Variants in KLHL4 observed in about 807,000 individuals in gnomAD.
KLHL4 encodes the protein kelch-like protein 4.
Under a neutral mutation model 45.8 loss-of-function variants are expected in KLHL4, and 17 were observed. The observed-to-expected ratio is 0.37, with a 90% CI of 0.25 to 0.56. The LOEUF (loss-of-function observed/expected upper bound fraction) is 0.56, where lower values mean the gene tolerates loss of function less well. KLHL4 is among the 20% of genes least tolerant of loss of function. The pLI is 0.79. For missense variants in KLHL4, 544 were observed against 544.9 expected, an observed-to-expected ratio of 1.00 and a Z score of 0.02; for synonymous variants, 224 against 189.9, an observed-to-expected ratio of 1.18 and a Z score of -1.47.
At chrX:87,636,205 A>C (rs1218642102) in intron 9 of KLHL4, among the ~76,000 whole-genome samples, 1 of 112,121 alleles carries the variant, frequency 8.9e-6, no homozygotes, top group African/African-American at 3.2e-5. Flanking sequence ...AATATGTAAA[A>C]AGAATATGTC....
At chrX:87,632,133 T>C in intron 6 of KLHL4, 77 bp from the exon 7 acceptor site, 2 of 594,264 alleles carry the variant, frequency 3.4e-6, no homozygotes, top group Admixed American at 6.2e-5. Flanking sequence ...TATGGGTACA[T>C]AATTATAATG....
chrX:87,520,224 C>T (rs1029019530), intron 1 of KLHL4, among the ~76,000 whole-genome samples: 4 of 112,398 alleles, frequency 3.6e-5, no homozygotes, highest in African/African-American at 1.3e-4. Flanking sequence ...TGAGAAGGAG[C>T]TTTCTGATGC....
rs1924396010 is a variant in KLHL4 at position 87,667,098 on chromosome X, A to T, written c.*564A>T. On this transcript the variant is annotated 3_prime_UTR_variant, in exon 11 of 11. Coordinates refer to ENST00000373119, the MANE Select transcript of KLHL4 (RefSeq NM_019117.5). Reference sequence around the variant, plus strand: ...TTTACTGTGTTGAAGCTAAAAAAATAATGGCTCTTTGACAAAACTTGTTAT... The same window carrying T: ...TTTACTGTGTTGAAGCTAAAAAAATTATGGCTCTTTGACAAAACTTGTTAT... The T allele has an allele frequency of 2.9e-6, 2 of 686,187 alleles. No individual in the cohort carries two copies. Among genetic ancestry groups the T allele is most frequent in the Non-Finnish European group, 3.5e-6 (2 of 579,431 alleles). 56.5% of individuals were successfully genotyped at this position (686,187 alleles called of 1,213,427 possible).
intron 1 of KLHL4, among the ~76,000 whole-genome samples, chrX:87,530,833 G>A (rs1212910931): frequency 9.3e-6 from 1 of 107,620 alleles, no homozygotes; most frequent in East Asian, 3.0e-4. Flanking sequence ...CTAGATCCCT[G>A]AGGAATCGCC....
intron 9 of KLHL4, among the ~76,000 whole-genome samples, chrX:87,662,736 T>C (rs1388496808): frequency 9.1e-6 from 1 of 109,981 alleles, no homozygotes; most frequent in Non-Finnish European, 1.9e-5. Context: ...CAGACCATCC[T>C]GGCTAACACG....
chrX:87,622,403 C>T lies in KLHL4; in HGVS notation c.1117C>T (p.Leu373=). The change falls in exon 5 of 11, where the codon CTG becomes TTG. Residue 373 remains leucine, a synonymous_variant. Coordinates refer to ENST00000373119, the MANE Select transcript of KLHL4 (RefSeq NM_019117.5). ...ELGMLLSYIR[L]PLLPPQLLAD... ...GGGGATGCTGCTTTCTTACATCAGACTGCCATTACTCCCACCACAGGTATG... is the reference window on the plus strand; with the variant it reads ...GGGGATGCTGCTTTCTTACATCAGATTGCCATTACTCCCACCACAGGTATG... The T allele has an allele frequency of 1.7e-6, 2 of 1,199,143 alleles. No individual in the cohort carries two copies. Among genetic ancestry groups the T allele is most frequent in the Non-Finnish European group, 2.3e-6 (2 of 886,083 alleles).
chrX:87,524,398 A>T (rs34357785), intron 1 of KLHL4, among the ~76,000 whole-genome samples: 26,171 of 111,280 alleles, frequency 0.24, 2,396 homozygotes, highest in Non-Finnish European at 0.29. Flanking sequence ...TCAATTAAAC[A>T]TTTTAAACAT....
At chrX:87,590,891 TTGA>T (rs1921641524) in intron 1 of KLHL4, among the ~76,000 whole-genome samples, 1 of 112,085 alleles carries the variant, frequency 8.9e-6, no homozygotes, top group African/African-American at 3.2e-5. Context: ...CATTCATCTA[TTGA>T]TGAAGACTTT....
Position 87,668,307 on chromosome X carries a change from C to A in KLHL4, c.*1773C>A, listed in dbSNP as rs1924440622. ...AAGGACCTTTTGCAGCCTAGCTTGC[C>A]AATCTTCCAGTAACAACGAGGTGCT... On this transcript the variant is annotated 3_prime_UTR_variant, in exon 11 of 11. Transcript: ENST00000373119. 1.3e-6 allele frequency: 1 copy of A among 753,749 alleles called. No homozygotes were observed. The highest frequency in any genetic ancestry group is 2.3e-5 in the African/African-American group (1 of 43,866). 62.1% of individuals were successfully genotyped at this position (753,749 alleles called of 1,213,427 possible).
intron 9 of KLHL4, among the ~76,000 whole-genome samples, chrX:87,661,410 G>A (rs2147842807): frequency 9.0e-6 from 1 of 110,771 alleles, no homozygotes; most frequent in East Asian, 2.8e-4. Flanking sequence ...TTATTATAAT[G>A]CCAGCATTTT....
intron 1 of KLHL4, among the ~76,000 whole-genome samples, chrX:87,538,354 A>AT (rs1931478179): frequency 9.0e-6 from 1 of 111,636 alleles, no homozygotes; most frequent in East Asian, 2.8e-4. Context: ...GTGCCTAAAT[A>AT]TCTGAGTGTG....
At chrX:87,567,084 T>A (rs1932228928) in intron 1 of KLHL4, among the ~76,000 whole-genome samples, 1 of 111,274 alleles carries the variant, frequency 9.0e-6, no homozygotes, top group Non-Finnish European at 1.9e-5. Context: ...AAAAGGCATT[T>A]TGCAAAATTT....
intron 10 of KLHL4, among the ~76,000 whole-genome samples, chrX:87,665,974 C>A (rs1256555077): frequency 9.0e-6 from 1 of 111,540 alleles, no homozygotes; most frequent in Non-Finnish European, 1.9e-5. Flanking sequence ...GGTGTTAGGA[C>A]AAATACAATA....
rs954079045 is a variant in KLHL4 at position 87,668,385 on chromosome X, G to A, written c.*1851G>A. 1.3e-4 allele frequency: 95 copies of A among 749,944 alleles called. No homozygotes were observed. The highest frequency in any genetic ancestry group is 1.4e-4 in the Non-Finnish European group (92 of 636,523). 61.8% of individuals were successfully genotyped at this position (749,944 alleles called of 1,213,427 possible). On this transcript the variant is annotated 3_prime_UTR_variant, in exon 11 of 11. Coordinates refer to ENST00000373119, the MANE Select transcript of KLHL4 (RefSeq NM_019117.5). ...ATGCATGGACAAGAGGAAAGTGAAA[G>A]TTGAATACTCTCTTCTCAATGGCAT...
chrX:87,664,868 G>T lies in KLHL4; in HGVS notation c.2030G>T (p.Gly677Val). ...PLGDKLYVVG[G>V]YDGHTYLNTV... ...GGAGACAAACTCTACGTGGTTGGAG[G>T]ATATGACGGACATACTTATTTGAAC... Residue 677 changes from glycine to valine, a missense_variant, in exon 10 of 11, where the codon GGA becomes GTA. Gly to Val is a moderately radical substitution (Grantham distance 109). Coordinates refer to ENST00000373119, the MANE Select transcript of KLHL4 (RefSeq NM_019117.5). 8.4e-7 allele frequency: 1 copy of T among 1,197,365 alleles called. No homozygotes were observed.
chrX:87,669,570 C>T lies in KLHL4; in HGVS notation c.*3036C>T, dbSNP rs926137018. ...TTTTATTTTAAGTTCTCTAACAAGA[C>T]TCCTACCTTGAGATCTTAGTCTAGG... On this transcript the variant is annotated 3_prime_UTR_variant, in exon 11 of 11. Coordinates refer to ENST00000373119, the MANE Select transcript of KLHL4 (RefSeq NM_019117.5). 3.0e-5 allele frequency: 14 copies of T among 465,864 alleles called. No homozygotes were observed. Among genetic ancestry groups the T allele is most frequent in the Non-Finnish European group, 3.9e-5 (12 of 308,422 alleles). 38.4% of individuals were successfully genotyped at this position (465,864 alleles called of 1,213,427 possible). A position where few individuals can be genotyped will look rare whatever the true frequency, so the allele number is the denominator to read the frequency against.
chrX:87,536,149 A>G lies in KLHL4; in HGVS notation c.422+17834A>G, dbSNP rs73509855. ...ATGAATTCCCATTTAAACTGTTACT[A>G]TTTTGAAGTAGATCAATTTTGCAAC... On this transcript the variant is annotated intron_variant, in intron 1 of 10. Coordinates refer to ENST00000373119, the MANE Select transcript of KLHL4 (RefSeq NM_019117.5). Among the ~76,000 whole-genome samples the G allele has an allele frequency of 4.8e-3, 532 of 111,321 alleles. 2 individuals carry two copies. The highest frequency in any genetic ancestry group is 0.016 in the African/African-American group (505 of 30,656).
intron 1 of KLHL4, among the ~76,000 whole-genome samples, chrX:87,540,904 G>A (rs1931536943): frequency 9.0e-6 from 1 of 111,403 alleles, no homozygotes; most frequent in South Asian, 3.7e-4. Context: ...TGAGTAATGT[G>A]TTTCATTATG....
rs1491259195 is a variant in KLHL4, at chrX:87,541,490, C to CAAAAAA, written c.422+23176_422+23177insAAAAAA. ...TGGGTGACAGAGAGAGACTCCATCTCACAAAAAAAAAAAAAAAAAAAAAAG... is the reference window on the plus strand; with the variant it reads ...TGGGTGACAGAGAGAGACTCCATCTCAAAAAAACAAAAAAAAAAAAAAAAAAAAAAG... On this transcript the variant is annotated intron_variant, in intron 1 of 10. Coordinates refer to ENST00000373119, the MANE Select transcript of KLHL4 (RefSeq NM_019117.5). Among the ~76,000 whole-genome samples the CAAAAAA allele has an allele frequency of 1.1e-4, 7 of 63,920 alleles. 2 individuals carry two copies. Among genetic ancestry groups the CAAAAAA allele is most frequent in the Non-Finnish European group, 8.3e-5 (3 of 36,102 alleles). The allele number at this position is 63,920 out of a possible 115,157, so 55.5% of individuals were successfully genotyped here.
Sources: allele counts gnomAD v4.1 joint callset (sites outside exome capture counted in the v4.1 genomes callset), GRCh38; gene constraint gnomAD v4.1.1; transcripts MANE v1.5; gene names NCBI Gene and HGNC (gene_info 2026-07-23, HGNC 2026-07-21).